Variants in WWOX observed in about 807,000 individuals in gnomAD.
WWOX encodes WW domain containing oxidoreductase.
In WWOX, 69 loss-of-function variants were observed where a neutral mutation model predicts 46.2. The ratio of observed to expected loss-of-function variants is 1.49; its 90% CI spans 1.23 to 1.82. The LOEUF (loss-of-function observed/expected upper bound fraction) is 1.82, where lower values mean the gene tolerates loss of function less well. Among genes scored for constraint, WWOX ranks in the 40% most tolerant of loss-of-function variants. WWOX has a pLI of 0.00. For missense variants in WWOX, 919 were observed against 542.6 expected, an observed-to-expected ratio of 1.69 and a Z score of -6.89; for synonymous variants, 359 against 202.6, an observed-to-expected ratio of 1.77 and a Z score of -6.56.
intron 8 of WWOX, among the ~76,000 whole-genome samples, chr16:78,747,141 A>C (rs929176393): frequency 6.7e-6 from 1 of 149,738 alleles, no homozygotes; most frequent in Non-Finnish European, 1.5e-5. Flanking sequence ...GCTTTTGTAC[A>C]TGTTGTTTCT....
At chr16:79,148,579 G>T (rs1346632576) in intron 8 of WWOX, among the ~76,000 whole-genome samples, 3 of 152,184 alleles carry the variant, frequency 2.0e-5, no homozygotes, top group Non-Finnish European at 2.9e-5. Flanking sequence ...TGTACAATAT[G>T]GTTGTCTATG....
chr16:78,183,575 C>G (rs1211678001), intron 5 of WWOX, among the ~76,000 whole-genome samples: 3 of 152,144 alleles, frequency 2.0e-5, no homozygotes, highest in African/African-American at 7.2e-5. Flanking sequence ...GTATTGCATC[C>G]CCGAACCGTA....
At chr16:78,517,558 ATTCTGT>A (rs2043263231) in intron 8 of WWOX, among the ~76,000 whole-genome samples, 1 of 152,178 alleles carries the variant, frequency 6.6e-6, no homozygotes, top group Admixed American at 6.6e-5. Flanking sequence ...ATGGATTTGA[ATTCTGT>A]AACTGTCATA....
At chr16:78,557,103 G>T (rs138450649) in intron 8 of WWOX, among the ~76,000 whole-genome samples, 2 of 152,288 alleles carry the variant, frequency 1.3e-5, no homozygotes, top group South Asian at 4.2e-4. Context: ...AATGTGGAAG[G>T]ATGATTGTGA....
chr16:78,642,784 C>G (rs1276205858), intron 8 of WWOX, among the ~76,000 whole-genome samples: 2 of 152,168 alleles, frequency 1.3e-5, no homozygotes, highest in Non-Finnish European at 2.9e-5. Context: ...GTGAGGCACA[C>G]TCATGACAGA....
At chr16:78,161,422 C>T (rs1226931971) in intron 4 of WWOX, among the ~76,000 whole-genome samples, 1 of 151,006 alleles carries the variant, frequency 6.6e-6, no homozygotes, top group Non-Finnish European at 1.5e-5. Flanking sequence ...TTCTCTCTCT[C>T]TCTCTCTTTC....
At chr16:78,713,109 C>G (rs1016247994) in intron 8 of WWOX, among the ~76,000 whole-genome samples, 1 of 151,350 alleles carries the variant, frequency 6.6e-6, no homozygotes, top group Non-Finnish European at 1.5e-5. Flanking sequence ...CATCTCTACA[C>G]CGAATTTAAA....
intron 8 of WWOX, among the ~76,000 whole-genome samples, chr16:79,162,215 G>C (rs2050500155): frequency 2.0e-5 from 3 of 152,156 alleles, no homozygotes; most frequent in Non-Finnish European, 4.4e-5. Context: ...TGAGATGCTG[G>C]TATGTATCAT....
At chr16:78,641,846 G>T (rs1038964567) in intron 8 of WWOX, among the ~76,000 whole-genome samples, 9 of 152,188 alleles carry the variant, frequency 5.9e-5, no homozygotes, top group Admixed American at 1.3e-4. Context: ...CAGAATTTCA[G>T]TTCAATACTT....
At chr16:78,604,351 TG>T (rs2045693802) in intron 8 of WWOX, among the ~76,000 whole-genome samples, 1 of 152,102 alleles carries the variant, frequency 6.6e-6, no homozygotes, top group Admixed American at 6.5e-5. Flanking sequence ...TGCTTTAGTG[TG>T]GCAGATGTTA....
intron 8 of WWOX, among the ~76,000 whole-genome samples, chr16:78,523,355 G>C (rs1225105954): frequency 6.6e-6 from 1 of 152,222 alleles, no homozygotes; most frequent in Non-Finnish European, 1.5e-5. Context: ...AATGCTGAGA[G>C]CCCTGCTTCC....
chr16:78,479,897 C>T (rs538795292), intron 8 of WWOX, among the ~76,000 whole-genome samples: 2,865 of 152,314 alleles, frequency 0.019, 71 homozygotes, highest in African/African-American at 0.058. Context: ...TCACTGCCCC[C>T]TCCTGGGAAG....
intron 8 of WWOX, among the ~76,000 whole-genome samples, chr16:78,672,620 C>G (rs937645534): frequency 2.0e-5 from 3 of 152,114 alleles, no homozygotes; most frequent in Non-Finnish European, 2.9e-5. Context: ...CTTGCAGAAC[C>G]AGATCTTACC....
At chr16:79,177,881 A>T (rs535448811) in intron 8 of WWOX, among the ~76,000 whole-genome samples, 1 of 152,228 alleles carries the variant, frequency 6.6e-6, no homozygotes, top group Non-Finnish European at 1.5e-5. Context: ...TAGGTAGCTT[A>T]TAAATAACAG....
At chr16:78,314,707 T>G (rs868512150) in intron 5 of WWOX, among the ~76,000 whole-genome samples, 18 of 95,892 alleles carry the variant, frequency 1.9e-4, no homozygotes, top group Admixed American at 5.5e-4. Flanking sequence ...TTTTGTTTTT[T>G]TTTTTTTTTT....
At chr16:79,194,576 G>A (rs2051200980) in intron 8 of WWOX, among the ~76,000 whole-genome samples, 1 of 152,094 alleles carries the variant, frequency 6.6e-6, no homozygotes, top group Non-Finnish European at 1.5e-5. Context: ...GCAGTGTGGG[G>A]CCTCACCTTA....
Position 78,425,034 on chromosome 16 carries a change from T to A in WWOX, c.770T>A (p.Val257Glu). 6.2e-7 allele frequency: 1 copy of A among 1,613,970 alleles called. No homozygotes were observed. The highest frequency in any genetic ancestry group is 8.5e-7 in the Non-Finnish European group (1 of 1,180,032). ...CGCTCAGCTCCTGCCCGTGTCATTG[T>A]GGTCTCCTCAGAGTCCCATCGGTGG... ...LCRSAPARVI[V>E]VSSESHRFTD... The change falls in exon 7 of 9, where the codon GTG becomes GAG. Residue 257 changes from valine (V) to glutamate (E), a missense_variant. Coordinates refer to ENST00000566780, the MANE Select transcript of WWOX (RefSeq NM_016373.4).
At chr16:78,521,647 A>G (rs2043350431) in intron 8 of WWOX, among the ~76,000 whole-genome samples, 1 of 152,216 alleles carries the variant, frequency 6.6e-6, no homozygotes, top group African/African-American at 2.4e-5. Flanking sequence ...ATGGAACATC[A>G]ATATTGGTTC....
Position 79,212,276 on chromosome 16 carries a change from C to G in WWOX, c.*480C>G. 2 of 1,193,138 alleles carry G rather than the reference C, an allele frequency of 1.7e-6. No homozygotes were observed. Among genetic ancestry groups the G allele is most frequent in the Non-Finnish European group, 2.3e-6 (2 of 881,840 alleles). The allele number at this position is 1,193,138 out of a possible 1,614,324, so 73.9% of individuals were successfully genotyped here. On this transcript the variant is annotated 3_prime_UTR_variant, in exon 9 of 9. Transcript: ENST00000566780. The stretch of plus-strand genomic sequence containing the variant: ...AGATAATTGTTTCATTCATCCTGAC[C>G]AAGACTGAGCCAGCTTAGCAACTGC...
Sources: allele counts gnomAD v4.1 joint callset (sites outside exome capture counted in the v4.1 genomes callset), GRCh38; gene constraint gnomAD v4.1.1; transcripts MANE v1.5; gene names NCBI Gene and HGNC (gene_info 2026-07-23, HGNC 2026-07-21).